DNMT3L: variants seen among roughly 807,000 people sequenced by gnomAD.
The protein encoded by DNMT3L is DNA methyltransferase 3 like, also known as DNA (cytosine-5)-methyltransferase 3-like.
Under a neutral mutation model 36.2 loss-of-function variants are expected in DNMT3L, and 33 were observed. That is an observed-to-expected ratio of 0.91 (90% CI 0.69 to 1.22). DNMT3L has a LOEUF of 1.22. Ranked by LOEUF, DNMT3L falls within the 50% of genes most tolerant of loss-of-function variation. The pLI, the probability that DNMT3L is intolerant of heterozygous loss-of-function variation, is 0.00. For synonymous variants in DNMT3L, 117 were observed against 121.7 expected, an observed-to-expected ratio of 0.96 and a Z score of 0.26; for missense variants, 310 against 303.1, an observed-to-expected ratio of 1.02 and a Z score of -0.17.
chr21:44,257,706 AAAT>A (rs1568916388), intron 6 of DNMT3L, among the ~76,000 whole-genome samples: 1 of 93,244 alleles, frequency 1.1e-5, no homozygotes, highest in Non-Finnish European at 2.0e-5. Flanking sequence ...ATAAATAAAT[AAAT>A]AAATAAATAA....
chr21:44,254,768 C>T lies in DNMT3L; in HGVS notation c.605-63G>A, dbSNP rs567612891. 99 of 1,544,796 alleles carry T rather than the reference C, an allele frequency of 6.4e-5. No homozygotes were observed. In the African/African-American group the frequency reaches 1.2e-3, roughly 18 times the overall value. On this transcript the variant is annotated intron_variant, in intron 7 of 11. Transcript: ENST00000628202. ...CGTGGATTGTGCCCCTACAGGGACT[C>T]GAAAAGGCTGACGGACGATCAGAGG...
intron 2 of DNMT3L, 82 bp from the exon 3 acceptor site, chr21:44,260,921 AT>A: frequency 6.2e-7 from 1 of 1,605,030 alleles, no homozygotes; most frequent in Non-Finnish European, 8.5e-7. Flanking sequence ...GAGCATCACA[AT>A]TCGTTTTCCA....
chr21:44,254,668 G>T lies in DNMT3L; in HGVS notation c.642C>A (p.Asp214Glu). Reference protein sequence around the residue: ...TSLGFLESGSDPGQLKHVVDV... With the variant: ...TSLGFLESGSEPGQLKHVVDV... ...CAACCACATGCTTCAGTTGTCCCGGGTCAGAACCACTTTCCAAAAAGCCCA... is the reference window on the plus strand; with the variant it reads ...CAACCACATGCTTCAGTTGTCCCGGTTCAGAACCACTTTCCAAAAAGCCCA... Residue 214 changes from aspartate (D) to glutamate (E), a missense_variant, in exon 8 of 12, where the codon GAC becomes GAA. Physicochemically the swap from Asp to Glu is conservative, Grantham distance 45. Transcript: ENST00000628202. The T allele has an allele frequency of 6.2e-7, 1 of 1,613,958 alleles. No homozygotes were observed. The highest frequency in any genetic ancestry group is 8.5e-7 in the Non-Finnish European group (1 of 1,179,988).
At chr21:44,260,891 T>C in intron 2 of DNMT3L, 52 bp from the exon 3 acceptor site, 1 of 1,612,280 alleles carries the variant, frequency 6.2e-7, no homozygotes, top group Non-Finnish European at 8.5e-7. Context: ...GATCTCTTAA[T>C]TTAAATTCGG....
rs2146358560 is a variant in DNMT3L, at chr21:44,258,755, A to G, written c.345-61T>C. Reference sequence around the variant, plus strand: ...ACAGCCCACCTCTCCTGAGGATGGCAGAGGTGGGCCTGATTGAGCCTTGTT... The same window carrying G: ...ACAGCCCACCTCTCCTGAGGATGGCGGAGGTGGGCCTGATTGAGCCTTGTT... On this transcript the variant is annotated intron_variant, in intron 5 of 11. Transcript: ENST00000628202. The surrounding 1 kb of genome is among the most constrained non-coding windows in gnomAD (Gnocchi z 6.2). 6.4e-7 allele frequency: 1 copy of G among 1,574,650 alleles called. No homozygotes were observed. Among genetic ancestry groups the G allele is most frequent in the Non-Finnish European group, 8.6e-7 (1 of 1,156,970 alleles).
intron 4 of DNMT3L, 36 bp from the exon 5 acceptor site, chr21:44,259,585 C>G: frequency 6.2e-7 from 1 of 1,613,454 alleles, no homozygotes; most frequent in Non-Finnish European, 8.5e-7. Context: ...CTTGTGTCAT[C>G]CCTGCTCTGA....
At chr21:44,261,040 A>C in intron 2 of DNMT3L, 114 bp downstream of exon 2, 1 of 1,427,090 alleles carries the variant, frequency 7.0e-7, no homozygotes, top group South Asian at 1.3e-5. Context: ...CTCCTGCCCC[A>C]GCCCGGGTGC....
At position 44,261,226 on chromosome 21, in the gene DNMT3L, C is replaced by T. The variant is rs75396112; in HGVS notation, c.34G>A (p.Glu12Lys). Residue 12 changes from glutamate to lysine, a missense_variant, in exon 2 of 12, where the codon GAG becomes AAG. Transcript: ENST00000628202. ...AAIPALDPEA[E>K]PSMDVILVGS... ...ACCAAAATCACGTCCATGCTGGGCT[C>T]GGCCTCTGGGTCCAGGGCTGGGATG... The T allele has an allele frequency of 4.2e-4, 685 of 1,612,632 alleles. 6 individuals are homozygous for T. The East Asian group carries it at 0.011, about 26-fold the overall frequency.
Position 44,254,604 on chromosome 21 carries a change from C to A in DNMT3L, c.693+13G>T. 1 of 1,613,116 alleles carries A rather than the reference C, an allele frequency of 6.2e-7. No individual in the cohort carries two copies. The highest frequency in any genetic ancestry group is 1.3e-5 in the African/African-American group (1 of 74,998). On this transcript the variant is annotated intron_variant, in intron 8 of 11. Coordinates refer to ENST00000628202, the MANE Select transcript of DNMT3L (RefSeq NM_175867.3). ...TCCCACTACAGTGTCTGAGAGTTCA[C>A]GGCGGTACTCACATCCTTCCTCACT... is the stretch of plus-strand genomic sequence containing the variant.
At chr21:44,257,643 T>C (rs1319776396) in intron 6 of DNMT3L, among the ~76,000 whole-genome samples, 10 of 142,820 alleles carry the variant, frequency 7.0e-5, no homozygotes, top group Non-Finnish European at 1.4e-4. Flanking sequence ...ATCCCGCCAC[T>C]GCACTCCAGC....
intron 7 of DNMT3L, among the ~76,000 whole-genome samples, chr21:44,255,520 T>C (rs1373946695): frequency 8.1e-6 from 1 of 123,340 alleles, no homozygotes. Context: ...AAAAAAAGGA[T>C]GTCAAGGACT....
Position 44,259,447 on chromosome 21 carries a change from C to A in DNMT3L, c.334G>T (p.Asp112Tyr), listed in dbSNP as rs143186240. The A allele has an allele frequency of 1.8e-4, 285 of 1,613,598 alleles. No individual in the cohort carries two copies. Among genetic ancestry groups the A allele is most frequent in the Non-Finnish European group, 2.3e-4 (269 of 1,179,992 alleles). ...GGCCCCTCGCCTCACCGGGTGCAAT[C>A]AGGGTTTCCGCAGATGAGCAGCGTC... ...GETLLICGNP[D>Y]CTRCYCFECV... Residue 112 changes from aspartate to tyrosine, a missense_variant, in exon 5 of 12, where the codon GAT becomes TAT. Transcript: ENST00000628202.
rs998900240 is a variant in DNMT3L, at chr21:44,258,119, G to A, written c.516+404C>T. Among the ~76,000 whole-genome samples, 2 of 152,130 alleles carry A rather than the reference G, an allele frequency of 1.3e-5. No homozygotes were observed. The highest frequency in any genetic ancestry group is 4.8e-5 in the African/African-American group (2 of 41,414). On this transcript the variant is annotated intron_variant, in intron 6 of 11. Coordinates refer to ENST00000628202, the MANE Select transcript of DNMT3L (RefSeq NM_175867.3). The surrounding 1 kb of genome is among the most constrained non-coding windows in gnomAD (Gnocchi z 6.2). ...GGAGACTTGGATGTCCCTCTCAGAG[G>A]GACAAAATTCCACCTTCTCTGCCTT...
chr21:44,260,856 GA>G lies in DNMT3L; in HGVS notation c.107-18del. 6.2e-7 allele frequency: 1 copy of G among 1,613,056 alleles called. No individual in the cohort carries two copies. Among genetic ancestry groups the G allele is most frequent in the Non-Finnish European group, 8.5e-7 (1 of 1,179,918 alleles). On this transcript the variant is annotated intron_variant, in intron 2 of 11. Coordinates refer to ENST00000628202, the MANE Select transcript of DNMT3L (RefSeq NM_175867.3). Reference sequence around the variant, plus strand: ...CAATAAGATCTGGAAAGGAAGATAAGAAGTAGCCCCTTTCTTCTTCCTCTGA... The same window carrying G: ...CAATAAGATCTGGAAAGGAAGATAAGAGTAGCCCCTTTCTTCTTCCTCTGA...
At chr21:44,254,767 T>A in intron 7 of DNMT3L, 62 bp from the exon 8 acceptor site, 1 of 1,544,974 alleles carries the variant, frequency 6.5e-7, no homozygotes, top group Non-Finnish European at 8.9e-7. Context: ...CTACAGGGAC[T>A]CGAAAAGGCT....
chr21:44,254,042 G>A (rs2040238904), intron 8 of DNMT3L, among the ~76,000 whole-genome samples: 1 of 152,236 alleles, frequency 6.6e-6, no homozygotes, highest in South Asian at 2.1e-4. Context: ...CAAAAGACCT[G>A]TACACAGGTG....
chr21:44,261,249 A>G lies in DNMT3L; in HGVS notation c.11T>C (p.Ile4Thr). The G allele has an allele frequency of 2.5e-6, 4 of 1,612,474 alleles. No homozygotes were observed. The highest frequency in any genetic ancestry group is 3.4e-6 in the Non-Finnish European group (4 of 1,179,860). The change falls in exon 2 of 12, where the codon ATC becomes ACC. Residue 4 changes from isoleucine to threonine, a missense_variant. Transcript: ENST00000628202. MAA[I>T]PALDPEAEPS... ...CTCGGCCTCTGGGTCCAGGGCTGGGATGGCCGCCATGGGGATGCTGTGTCA... is the reference window on the plus strand; with the variant it reads ...CTCGGCCTCTGGGTCCAGGGCTGGGGTGGCCGCCATGGGGATGCTGTGTCA...
intron 3 of DNMT3L, 95 bp from the exon 4 acceptor site, chr21:44,259,806 A>C (rs1293078634): frequency 7.7e-7 from 1 of 1,303,796 alleles, no homozygotes. Flanking sequence ...TATGAGACTT[A>C]TACACTGAAA....
In DNMT3L at chr21:44,261,246, G is replaced by A. The variant is rs1232576984; in HGVS notation, c.14C>T (p.Pro5Leu). 6 of 1,612,520 alleles carry A rather than the reference G, an allele frequency of 3.7e-6. No individual in the cohort carries two copies. The highest frequency in any genetic ancestry group is 1.7e-6 in the Non-Finnish European group (2 of 1,179,868). Residue 5 changes from proline (P) to leucine (L), a missense_variant, in exon 2 of 12, where the codon CCA (proline) becomes CTA (leucine). Physicochemically the swap from Pro to Leu is moderately conservative, Grantham distance 98 (BLOSUM62 -3). Coordinates refer to ENST00000628202, the MANE Select transcript of DNMT3L (RefSeq NM_175867.3). MAAIPALDPEAEPSM... is the reference protein window; with the variant it reads MAAILALDPEAEPSM... The stretch of plus-strand genomic sequence containing the variant: ...GGGCTCGGCCTCTGGGTCCAGGGCT[G>A]GGATGGCCGCCATGGGGATGCTGTG...
Sources: allele counts gnomAD v4.1 joint callset (sites outside exome capture counted in the v4.1 genomes callset), GRCh38; gene constraint gnomAD v4.1.1; non-coding constraint Gnocchi (gnomAD v3.1); transcripts MANE v1.5; gene names NCBI Gene and HGNC (gene_info 2026-07-23, HGNC 2026-07-21).